Variants in LRCH1 observed in about 807,000 individuals in gnomAD.
LRCH1 encodes the protein leucine-rich repeat and calponin homology domain-containing protein 1.
LRCH1 carries 23 observed loss-of-function variants against 94.9 expected under a neutral mutation model. The ratio of observed to expected loss-of-function variants is 0.24; its 90% CI spans 0.17 to 0.34. The LOEUF is 0.34. LRCH1 is among the 10% of genes least tolerant of loss of function. The pLI, the probability that LRCH1 is intolerant of heterozygous loss-of-function variation, is 1.00. For missense variants in LRCH1, 790 were observed against 945.9 expected, an observed-to-expected ratio of 0.84 and a Z score of 2.16; for synonymous variants, 364 against 354.9, an observed-to-expected ratio of 1.03 and a Z score of -0.29.
intron 1 of LRCH1, among the ~76,000 whole-genome samples, chr13:46,623,014 T>C (rs746425514): frequency 6.6e-6 from 1 of 152,184 alleles, no homozygotes; most frequent in Non-Finnish European, 1.5e-5. Context: ...CACTGGCACA[T>C]GTCCCAGAGT....
At chr13:46,614,822 C>T (rs1335266657) in intron 1 of LRCH1, among the ~76,000 whole-genome samples, 2 of 152,072 alleles carry the variant, frequency 1.3e-5, no homozygotes, top group Non-Finnish European at 2.9e-5. Flanking sequence ...GGTGCAGTAT[C>T]AAAACATTTT....
rs138714832 is a variant in LRCH1 at position 46,619,389 on chromosome 13, C to T, written c.308-30812C>T. Among the ~76,000 whole-genome samples, 1,171 of 152,196 alleles carry T rather than the reference C, an allele frequency of 7.7e-3. 14 individuals carry two copies. The highest frequency in any genetic ancestry group is 0.026 in the African/African-American group (1,095 of 41,510). On this transcript the variant is annotated intron_variant, in intron 1 of 19. Transcript: ENST00000389797. ...CCTCCCAAAGTGCTGGGACTACAGG[C>T]GTGACCCACCACGCCTGGCCTAAAG...
intron 8 of LRCH1, 81 bp downstream of exon 8, chr13:46,692,722 G>T (rs930848864): frequency 7.9e-6 from 8 of 1,016,922 alleles, no homozygotes; most frequent in Middle Eastern, 2.1e-4. Context: ...CACAGATAGG[G>T]CAGTGATAAT....
chr13:46,692,382 A>G (rs1432512662), intron 7 of LRCH1, among the ~76,000 whole-genome samples, 154 bp from the exon 8 acceptor site: 3 of 151,934 alleles, frequency 2.0e-5, no homozygotes, highest in East Asian at 3.9e-4. Context: ...GCATTTTTTG[A>G]ACTTACATAA....
chr13:46,725,993 GTCCACACAC>G (rs1229203129), intron 17 of LRCH1, among the ~76,000 whole-genome samples: 1 of 152,176 alleles, frequency 6.6e-6, no homozygotes, highest in Non-Finnish European at 1.5e-5. Context: ...AAAAACAATT[GTCCACACAC>G]AGGACAGTTC....
At chr13:46,691,495 G>A (rs975371524) in intron 7 of LRCH1, among the ~76,000 whole-genome samples, 29 of 152,154 alleles carry the variant, frequency 1.9e-4, no homozygotes, top group African/African-American at 7.0e-4. Flanking sequence ...AGAAATGCCC[G>A]AGGGTCGATA....
intron 1 of LRCH1, among the ~76,000 whole-genome samples, chr13:46,632,018 A>G (rs902205527): frequency 2.0e-5 from 3 of 152,190 alleles, no homozygotes; most frequent in African/African-American, 7.2e-5. Flanking sequence ...CCTGGCCAAC[A>G]TGGTGGAACC....
intron 1 of LRCH1, among the ~76,000 whole-genome samples, chr13:46,586,651 C>G (rs1387858766): frequency 1.3e-5 from 2 of 152,154 alleles, no homozygotes; most frequent in Admixed American, 1.3e-4. Flanking sequence ...CTCCTGAGCT[C>G]AAAGCAATCC....
chr13:46,562,142 C>T (rs1209648360), intron 1 of LRCH1, among the ~76,000 whole-genome samples: 1 of 152,136 alleles, frequency 6.6e-6, no homozygotes, highest in Non-Finnish European at 1.5e-5. Context: ...CTTGGATCTA[C>T]CCTGAAGTTA....
intron 19 of LRCH1, among the ~76,000 whole-genome samples, chr13:46,739,882 G>C (rs1873566374): frequency 6.6e-6 from 1 of 152,186 alleles, no homozygotes; most frequent in African/African-American, 2.4e-5. Context: ...CCCATGAGGA[G>C]TGTACTACTG....
chr13:46,673,240 C>T (rs1335106300), intron 3 of LRCH1, among the ~76,000 whole-genome samples: 1 of 151,992 alleles, frequency 6.6e-6, no homozygotes, highest in Non-Finnish European at 1.5e-5. Flanking sequence ...CTCCTGGATT[C>T]GGCAGCTCCG....
In LRCH1 at chr13:46,687,856, G is replaced by T; in HGVS notation, c.827G>T (p.Cys276Phe). Residue 276 changes from cysteine to phenylalanine, a missense_variant, in exon 6 of 20, where the codon TGC (cysteine) becomes TTC (phenylalanine). Around this residue, in one of 3 missense-constraint regions of LRCH1, gnomAD observed 194 missense variants for 293.5 expected, o/e 0.66. Coordinates refer to ENST00000389797, the MANE Select transcript of LRCH1 (RefSeq NM_001164211.2). ...TTGCTATTAATTTCTTTGTAGATTT[G>T]CACAAAGGGCAAAGTTCACATATTT... ...NPLQSPPAQI[C>F]TKGKVHIFKY... The T allele has an allele frequency of 6.2e-7, 1 of 1,609,132 alleles. No individual in the cohort carries two copies. The highest frequency in any genetic ancestry group is 8.5e-7 in the Non-Finnish European group (1 of 1,177,832).
rs1362939383 is a variant in LRCH1 at position 46,700,091 on chromosome 13, A to G, written c.1313+688A>G. Among the ~76,000 whole-genome samples, 3 of 152,150 alleles carry G rather than the reference A, an allele frequency of 2.0e-5. No homozygotes were observed. The East Asian group carries it at 5.8e-4, about 29-fold the overall frequency. ...TAAATATTTATTTAGCAAGATTTAC[A>G]GGGGAGGGGGTGTGTGATCCCATCA... On this transcript the variant is annotated intron_variant, in intron 10 of 19. Transcript: ENST00000389797.
At chr13:46,611,618 A>T (rs1198314084) in intron 1 of LRCH1, among the ~76,000 whole-genome samples, 1 of 152,216 alleles carries the variant, frequency 6.6e-6, no homozygotes. Flanking sequence ...AAAGATTTCC[A>T]GTAAAAATTT....
chr13:46,742,293 T>A lies in LRCH1; in HGVS notation c.*445T>A. On this transcript the variant is annotated 3_prime_UTR_variant, in exon 20 of 20. Coordinates refer to ENST00000389797, the MANE Select transcript of LRCH1 (RefSeq NM_001164211.2). ...TTCGGGACTGGGCAATTGAGCTGTA[T>A]AGGGGCCACCTTGCAGGGAGGACAG... 9.8e-7 allele frequency: 1 copy of A among 1,020,750 alleles called. No homozygotes were observed. The highest frequency in any genetic ancestry group is 1.2e-6 in the Non-Finnish European group (1 of 851,192). 63.2% of individuals were successfully genotyped at this position (1,020,750 alleles called of 1,614,324 possible).
In LRCH1 at chr13:46,581,917, A is replaced by C. The variant is rs150839334; in HGVS notation, c.307+28214A>C. Among the ~76,000 whole-genome samples, 767 of 152,326 alleles carry C rather than the reference A, an allele frequency of 5.0e-3. 9 individuals carry two copies. The highest frequency in any genetic ancestry group is 0.017 in the African/African-American group (724 of 41,558). ...GGAAAATGAAGTCTTTGGGAGGCCAAGGTGGGTGGATCACTTGAGGTCAGG... is the reference window on the plus strand; with the variant it reads ...GGAAAATGAAGTCTTTGGGAGGCCACGGTGGGTGGATCACTTGAGGTCAGG... On this transcript the variant is annotated intron_variant, in intron 1 of 19. Transcript: ENST00000389797.
At chr13:46,724,578 C>T (rs565306698) in intron 17 of LRCH1, among the ~76,000 whole-genome samples, 36 of 152,226 alleles carry the variant, frequency 2.4e-4, no homozygotes, top group African/African-American at 7.9e-4. Flanking sequence ...TTTCTTAGTT[C>T]CCAATGGGCA....
intron 11 of LRCH1, among the ~76,000 whole-genome samples, 170 bp downstream of exon 11, chr13:46,701,377 G>A (rs531577185): frequency 6.6e-6 from 1 of 152,290 alleles, no homozygotes; most frequent in African/African-American, 2.4e-5. Flanking sequence ...AAAAGTAAAA[G>A]AGTCAAACTT....
chr13:46,613,720 G>A (rs1400112414), intron 1 of LRCH1, among the ~76,000 whole-genome samples: 3 of 152,188 alleles, frequency 2.0e-5, no homozygotes, highest in Non-Finnish European at 4.4e-5. Flanking sequence ...ATGGGTCATT[G>A]ATAGCTTGTA....
Sources: gnomAD v4.1 joint callset for allele counts (sites outside exome capture counted in the v4.1 genomes callset) on GRCh38, gnomAD v4.1.1 for gene constraint, gnomAD v4.1.1 regional missense constraint, MANE v1.5 for transcripts, NCBI Gene and HGNC (gene_info 2026-07-23, HGNC 2026-07-21) for gene names.